GALNT9: variants seen among roughly 807,000 people sequenced by gnomAD.
GALNT9 encodes polypeptide N-acetylgalactosaminyltransferase 9, also known as GalNAc transferase 9.
GALNT9 carries 47 observed loss-of-function variants against 63.1 expected under a neutral mutation model. The observed-to-expected ratio is 0.75, with a 90% CI of 0.59 to 0.95. The LOEUF (loss-of-function observed/expected upper bound fraction) is 0.95. GALNT9 is among the 40% of genes least tolerant of loss of function. GALNT9 has a pLI of 0.00. For synonymous variants in GALNT9, 396 were observed against 365.7 expected (o/e 1.08, Z -0.94); for missense variants, 829 against 874.8 (o/e 0.95, Z 0.66).
intron 1 of GALNT9, among the ~76,000 whole-genome samples, chr12:132,321,364 G>A (rs560319056): frequency 2.0e-5 from 3 of 152,236 alleles, no homozygotes; most frequent in Non-Finnish European, 4.4e-5. Flanking sequence ...TGGCAGATCC[G>A]AGTGAAACTG....
In GALNT9 at chr12:132,201,046, C is replaced by T. The variant is rs1344069560; in HGVS notation, c.1401+78G>A. 6.7e-6 allele frequency: 9 copies of T among 1,353,362 alleles called. No individual in the cohort carries two copies. In the African/African-American group the frequency reaches 1.1e-4, roughly 17 times the overall value. 83.8% of individuals were successfully genotyped at this position (1,353,362 alleles called of 1,614,324 possible). A position where few individuals can be genotyped will look rare whatever the true frequency, so the allele number is the denominator to read the frequency against. On this transcript the variant is annotated intron_variant, in intron 8 of 10. Transcript: ENST00000328957. ...CGTGTGCATGTGGATGTGCCTGCATCACCCTGAATGCATACGTGTGCAGGA... is the reference window on the plus strand; with the variant it reads ...CGTGTGCATGTGGATGTGCCTGCATTACCCTGAATGCATACGTGTGCAGGA...
intron 8 of GALNT9, 52 bp downstream of exon 8, chr12:132,201,072 G>A: frequency 1.3e-6 from 2 of 1,565,628 alleles, no homozygotes; most frequent in South Asian, 1.2e-5. Context: ...GTGTGCAGGA[G>A]TCAGGGCAGA....
At chr12:132,216,384 T>C (rs1243401013) in intron 6 of GALNT9, among the ~76,000 whole-genome samples, 1 of 152,034 alleles carries the variant, frequency 6.6e-6, no homozygotes, top group Non-Finnish European at 1.5e-5. Flanking sequence ...CCTGGAAGGG[T>C]CATTTGCTGA....
chr12:132,240,526 G>A (rs1216084425), intron 6 of GALNT9: 4 of 439,092 alleles, frequency 9.1e-6, no homozygotes, highest in Middle Eastern at 5.5e-4. Context: ...TGGCAGTGCT[G>A]CTGTGGGCCT....
At chr12:132,221,775 G>A (rs1877463257) in intron 6 of GALNT9, among the ~76,000 whole-genome samples, 1 of 151,874 alleles carries the variant, frequency 6.6e-6, no homozygotes, top group African/African-American at 2.4e-5. Flanking sequence ...GGAATTCGGG[G>A]GCCCAGAAGC....
In GALNT9 at chr12:132,291,294, GTCCATAGCACCCACA is replaced by G. The variant is rs1190867445; in HGVS notation, c.239-4879_239-4865del. Among the ~76,000 whole-genome samples, 120 of 31,404 alleles carry G rather than the reference GTCCATAGCACCCACA, an allele frequency of 3.8e-3. 3 individuals carry two copies. Among genetic ancestry groups the G allele is most frequent in the Non-Finnish European group, 4.4e-3 (85 of 19,116 alleles). The allele number at this position is 31,404 out of a possible 152,430, so 20.6% of individuals were successfully genotyped here. A position where few individuals can be genotyped will look rare whatever the true frequency, so the allele number is the denominator to read the frequency against. ...CAGCACCCACGTCCACATCACCCAC[GTCCATAGCACCCACA>G]TCCACAGCACCCACATCCACAGCAC... On this transcript the variant is annotated intron_variant, in intron 1 of 10. Transcript: ENST00000328957.
chr12:132,203,048 C>G (rs141479297), intron 7 of GALNT9, among the ~76,000 whole-genome samples: 1 of 152,100 alleles, frequency 6.6e-6, no homozygotes, highest in Non-Finnish European at 1.5e-5. Flanking sequence ...GAAAAGGTGG[C>G]GCTGAGGACG....
At chr12:132,308,860 G>A (rs1452258566) in intron 1 of GALNT9, among the ~76,000 whole-genome samples, 5 of 150,146 alleles carry the variant, frequency 3.3e-5, no homozygotes, top group Non-Finnish European at 4.5e-5. Flanking sequence ...CCGCACTCAC[G>A]CCTTACCCAC....
At chr12:132,269,530 C>T (rs558980007) in intron 2 of GALNT9, among the ~76,000 whole-genome samples, 2 of 152,256 alleles carry the variant, frequency 1.3e-5, no homozygotes, top group African/African-American at 2.4e-5. Context: ...GAGCCCAGGG[C>T]GGGGTGGCCT....
chr12:132,286,452 A>T lies in GALNT9; in HGVS notation c.239-22T>A. On this transcript the variant is annotated intron_variant, in intron 1 of 10. Transcript: ENST00000328957. The surrounding 1 kb of genome is among the most constrained non-coding windows in gnomAD (Gnocchi z 7.4). ...AGGCCTGGGGGAAAGGAAGAGAGGG[A>T]GGTCAGGCAGGCCCAGGACACGCTG... 6.5e-7 allele frequency: 1 copy of T among 1,541,676 alleles called. No individual in the cohort carries two copies. The highest frequency in any genetic ancestry group is 8.7e-7 in the Non-Finnish European group (1 of 1,143,400).
At chr12:132,257,519 C>T (rs1209127936) in intron 5 of GALNT9, among the ~76,000 whole-genome samples, 170 bp downstream of exon 5, 1 of 117,644 alleles carries the variant, frequency 8.5e-6, no homozygotes, top group Non-Finnish European at 1.8e-5. Flanking sequence ...CCCACGCCCT[C>T]GTCCCCGGCC....
At chr12:132,296,000 G>T (rs1042420442) in intron 1 of GALNT9, among the ~76,000 whole-genome samples, 1 of 134,968 alleles carries the variant, frequency 7.4e-6, no homozygotes, top group Non-Finnish European at 1.6e-5. Flanking sequence ...GACGGCCTCC[G>T]GAACAGGGAG....
rs558219669 is a variant in GALNT9 at position 132,298,697 on chromosome 12, A to G, written c.239-12267T>C. ...CCACCACACCTAACCCACCCCTGAG[A>G]TAACCAAGCCACTGCTGAGATAACC... On this transcript the variant is annotated intron_variant, in intron 1 of 10. Coordinates refer to ENST00000328957, the MANE Select transcript of GALNT9 (RefSeq NM_001122636.2). 5.9e-5 allele frequency among the ~76,000 whole-genome samples: 9 copies of G among 151,516 alleles called. No individual in the cohort carries two copies. In the South Asian group the frequency reaches 1.7e-3, roughly 28 times the overall value.
chr12:132,229,373 G>A (rs1299305290), intron 6 of GALNT9, among the ~76,000 whole-genome samples: 43 of 152,350 alleles, frequency 2.8e-4, no homozygotes, highest in Admixed American at 2.7e-3. Flanking sequence ...TCCAGCACCT[G>A]AGCTCACTCA....
At chr12:132,241,582 C>T (rs1321681479) in intron 6 of GALNT9, among the ~76,000 whole-genome samples, 1 of 14,012 alleles carries the variant, frequency 7.1e-5, no homozygotes, top group Non-Finnish European at 2.0e-4. Flanking sequence ...ACCCCCTTCC[C>T]GGGGCCCTCC....
chr12:132,213,374 TCA>T (rs1001919547), intron 6 of GALNT9, among the ~76,000 whole-genome samples: 2 of 151,894 alleles, frequency 1.3e-5, no homozygotes, highest in African/African-American at 4.8e-5. Flanking sequence ...ATCAATTTCT[TCA>T]CACACACACA....
At chr12:132,204,926 C>A (rs905115346) in intron 6 of GALNT9, among the ~76,000 whole-genome samples, 5 of 152,070 alleles carry the variant, frequency 3.3e-5, no homozygotes, top group African/African-American at 1.2e-4. Context: ...ACTGTGCTTG[C>A]CTCATCTCCT....
Position 132,203,594 on chromosome 12 carries a change from A to G in GALNT9, c.1174T>C (p.Tyr392His), listed in dbSNP as rs1006895944. 5 of 1,613,900 alleles carry G rather than the reference A, an allele frequency of 3.1e-6. No homozygotes were observed. The East Asian group carries it at 6.7e-5, about 22-fold the overall frequency. The change falls in exon 7 of 11, where the codon TAT becomes CAT. Residue 392 changes from tyrosine to histidine, a missense_variant. Transcript: ENST00000328957. ...RKPYNNDIDY[Y>H]AKRNALRAAE... ...GCGCGCAGGGCGTTGCGCTTGGCAT[A>G]GTAGTCAATGTCGTTGTTGTAGGGC...
chr12:132,264,785 G>T (rs1036312503), intron 2 of GALNT9, among the ~76,000 whole-genome samples: 1 of 152,208 alleles, frequency 6.6e-6, no homozygotes, highest in African/African-American at 2.4e-5. Flanking sequence ...GCTGGACTCA[G>T]GGCCTGGCAG....
Sources: gnomAD v4.1 joint callset for allele counts (sites outside exome capture counted in the v4.1 genomes callset) on GRCh38, gnomAD v4.1.1 for gene constraint, Gnocchi (gnomAD v3.1) non-coding constraint, MANE v1.5 for transcripts, NCBI Gene and HGNC (gene_info 2026-07-23, HGNC 2026-07-21) for gene names.